The following LAMB3 variants were observed in gnomAD, a reference collection of about 807,000 sequenced individuals.
The protein encoded by LAMB3 is laminin subunit beta 3.
A neutral mutation model predicts 140.3 loss-of-function variants in LAMB3; 104 were observed. The ratio of observed to expected loss-of-function variants is 0.74; its 90% CI spans 0.63 to 0.87. The LOEUF (loss-of-function observed/expected upper bound fraction) is 0.87, where lower values mean the gene tolerates loss of function less well. Ranked by LOEUF, LAMB3 falls within the 40% of genes least tolerant of loss-of-function variation. The pLI is 0.00. For synonymous variants in LAMB3, 592 were observed against 602.9 expected, an observed-to-expected ratio of 0.98 and a Z score of 0.26; for missense variants, 1,531 against 1,575.2, an observed-to-expected ratio of 0.97 and a Z score of 0.47.
intron 20 of LAMB3, 94 bp downstream of exon 20, chr1:209,617,813 T>A: frequency 6.6e-7 from 1 of 1,521,972 alleles, no homozygotes. Context: ...CCACCTCAGG[T>A]TTTATCTAGT....
intron 18 of LAMB3, among the ~76,000 whole-genome samples, chr1:209,619,345 G>C (rs560875100): frequency 3.3e-5 from 5 of 152,142 alleles, no homozygotes; most frequent in Non-Finnish European, 7.3e-5. Context: ...ACAAGGGCAG[G>C]GCCTGGGTTT....
chr1:209,634,710 C>T (rs1305194243), intron 5 of LAMB3, 72 bp from the exon 6 acceptor site: 1 of 1,268,034 alleles, frequency 7.9e-7, no homozygotes, highest in African/African-American at 1.5e-5. Flanking sequence ...AGCAGAGAGA[C>T]AGGCTCCTCC....
chr1:209,642,549 C>G (rs567073856), intron 3 of LAMB3, among the ~76,000 whole-genome samples: 79 of 152,308 alleles, frequency 5.2e-4, no homozygotes, highest in Middle Eastern at 3.4e-3. Context: ...GCGATCTCTG[C>G]TCACTGCAAC....
intron 3 of LAMB3, among the ~76,000 whole-genome samples, chr1:209,642,205 C>T (rs1358752219): frequency 6.6e-6 from 1 of 152,066 alleles, no homozygotes; most frequent in East Asian, 1.9e-4. Flanking sequence ...AAAAGCTGGG[C>T]ATACACTTGC....
chr1:209,618,823 C>A, intron 18 of LAMB3, 164 bp from the exon 19 acceptor site: 1 of 687,598 alleles, frequency 1.5e-6, no homozygotes, highest in East Asian at 2.7e-5. Flanking sequence ...GGCGCCTGTT[C>A]TCCAGGGATT....
chr1:209,645,716 C>G (rs7514594), intron 3 of LAMB3, among the ~76,000 whole-genome samples: 34,244 of 137,610 alleles, frequency 0.25, 4,650 homozygotes, highest in East Asian at 0.47. Flanking sequence ...ACTCTGTGTC[C>G]CAGGGGAAAA....
In LAMB3 at chr1:209,618,081, G is replaced by C. The variant is rs763510239; in HGVS notation, c.2910-33C>G. ...AGAGAAGCAGCAGGGAGAGGAGAGA[G>C]AGAATGAGTGAACAGTGAATCAATG... is the stretch of plus-strand genomic sequence containing the variant. On this transcript the variant is annotated intron_variant, in intron 19 of 22. Coordinates refer to ENST00000356082, the MANE Select transcript of LAMB3 (RefSeq NM_000228.3). 5 of 1,613,522 alleles carry C rather than the reference G, an allele frequency of 3.1e-6. No individual in the cohort carries two copies. The Middle Eastern group carries it at 8.3e-4, about 267-fold the overall frequency.
At chr1:209,622,801 C>A in intron 17 of LAMB3, 121 bp from the exon 18 acceptor site, 1 of 1,415,026 alleles carries the variant, frequency 7.1e-7, no homozygotes, top group Non-Finnish European at 1.0e-6. Flanking sequence ...GTAACCAACC[C>A]AGCTTACATG....
Position 209,628,006 on chromosome 1 carries a change from C to T in LAMB3, c.1288+29G>A, listed in dbSNP as rs75181751. 16,344 of 1,579,522 alleles carry T rather than the reference C, an allele frequency of 0.01. 421 individuals carry two copies. The highest frequency in any genetic ancestry group is 0.1 in the African/African-American group (7,451 of 74,172). ...TGGTGGCCCCATGCAGCCCACCCCA[C>T]GTCATGCTGGGCCAAGCCCCCTACT... On this transcript the variant is annotated intron_variant, in intron 11 of 22. Transcript: ENST00000356082.
chr1:209,628,799 TA>T (rs1275359557), intron 10 of LAMB3, among the ~76,000 whole-genome samples: 1 of 152,340 alleles, frequency 6.6e-6, no homozygotes, highest in East Asian at 1.9e-4. Flanking sequence ...TTGTTGTCAT[TA>T]CTTACTGAGC....
Position 209,614,993 on chromosome 1 carries a change from G to T in LAMB3, c.*278C>A. On this transcript the variant is annotated 3_prime_UTR_variant, in exon 23 of 23. Transcript: ENST00000356082. ...TCCTCCCCAGTGGAGAACTAAAGGC[G>T]GGGGATACTGCCCAGCCCAGCTTCC... 2 of 428,440 alleles carry T rather than the reference G, an allele frequency of 4.7e-6. No homozygotes were observed. The highest frequency in any genetic ancestry group is 4.1e-5 in the South Asian group (1 of 24,640). The allele number at this position is 428,440 out of a possible 1,614,324, so 26.5% of individuals were successfully genotyped here.
At chr1:209,631,890 A>G (rs1451029048) in intron 8 of LAMB3, among the ~76,000 whole-genome samples, 2 of 152,170 alleles carry the variant, frequency 1.3e-5, no homozygotes, top group Admixed American at 6.5e-5. Context: ...GCCATCTTAC[A>G]TGATTTCCTC....
intron 8 of LAMB3, among the ~76,000 whole-genome samples, chr1:209,631,430 C>G (rs1487804755): frequency 6.6e-6 from 1 of 152,220 alleles, no homozygotes; most frequent in African/African-American, 2.4e-5. Context: ...TTCACAAAAT[C>G]CTGCCAGCTA....
At chr1:209,634,340 C>G (rs539643177) in intron 6 of LAMB3, 107 bp downstream of exon 6, 8 of 1,150,524 alleles carry the variant, frequency 7.0e-6, no homozygotes, top group Non-Finnish European at 1.0e-5. Context: ...GCAAGGGGAG[C>G]TGGCGAGGGT....
At chr1:209,634,765 G>A (rs770577633) in intron 5 of LAMB3, 127 bp from the exon 6 acceptor site, 147 of 732,304 alleles carry the variant, frequency 2.0e-4, no homozygotes, top group Non-Finnish European at 3.0e-4. Context: ...AAGTGGGCTC[G>A]GAGCATCCGG....
At chr1:209,624,886 GGA>G (rs1666363150) in intron 14 of LAMB3, among the ~76,000 whole-genome samples, 1 of 103,122 alleles carries the variant, frequency 9.7e-6, no homozygotes, top group Non-Finnish European at 2.1e-5. Flanking sequence ...GAGAGAGGAA[GGA>G]AGGAAGGAAG....
Position 209,638,561 on chromosome 1 carries a change from G to A in LAMB3, c.271C>T (p.Pro91Ser). ...RVENVASSSG[P>S]MRWWQSQNDV... ...TTCTGTGACTGCCACCAGCGCATGG[G>A]GCCGGAGGATGAAGCCACATTCTCT... Residue 91 changes from proline (P) to serine (S), a missense_variant, in exon 4 of 23, where the codon CCC becomes TCC. Transcript: ENST00000356082. The A allele has an allele frequency of 6.2e-7, 1 of 1,613,098 alleles. No homozygotes were observed. The highest frequency in any genetic ancestry group is 8.5e-7 in the Non-Finnish European group (1 of 1,179,056).
Position 209,637,970 on chromosome 1 carries a change from C to T in LAMB3, c.310G>A (p.Val104Ile). ...WWQSQNDVNPVSLQLDLDRRF... is the reference protein window; with the variant it reads ...WWQSQNDVNPISLQLDLDRRF... ...CTGTCCAGGTCCAGCTGCAGAGAGA[C>T]AGGGTTCACATCTGGAAGGACAAAA... Residue 104 changes from valine (V) to isoleucine (I), a missense_variant, in exon 5 of 23, where the codon GTC (valine) becomes ATC (isoleucine). Transcript: ENST00000356082. 6.2e-7 allele frequency: 1 copy of T among 1,613,006 alleles called. No homozygotes were observed. Among genetic ancestry groups the T allele is most frequent in the Non-Finnish European group, 8.5e-7 (1 of 1,179,534 alleles).
At chr1:209,631,242 C>T (rs1307859048) in intron 8 of LAMB3, among the ~76,000 whole-genome samples, 1 of 152,230 alleles carries the variant, frequency 6.6e-6, no homozygotes, top group African/African-American at 2.4e-5. Context: ...AGCCCAACAC[C>T]TTCAGCTTGG....
Sources: gnomAD v4.1 joint callset for allele counts (sites outside exome capture counted in the v4.1 genomes callset) on GRCh38, gnomAD v4.1.1 for gene constraint, MANE v1.5 for transcripts, NCBI Gene and HGNC (gene_info 2026-07-23, HGNC 2026-07-21) for gene names.